The following SSX2IP variants were observed in gnomAD, a reference collection of about 807,000 sequenced individuals.
SSX2IP encodes afadin- and alpha-actinin-binding protein.
In SSX2IP, 55 loss-of-function variants were observed where a neutral mutation model predicts 84.9. The ratio of observed to expected loss-of-function variants is 0.65; its 90% confidence interval spans 0.52 to 0.81. The LOEUF is 0.81. Among genes scored for constraint, SSX2IP ranks in the 30% least tolerant of loss-of-function variants. The pLI is 0.00. For synonymous variants in SSX2IP, 239 were observed against 234.7 expected (o/e 1.02, Z -0.17); for missense variants, 664 against 705.2 (o/e 0.94, Z 0.66).
intron 1 of SSX2IP, among the ~76,000 whole-genome samples, chr1:84,687,589 G>C (rs1655975486): frequency 6.6e-6 from 1 of 152,138 alleles, no homozygotes; most frequent in African/African-American, 2.4e-5. Flanking sequence ...CTTTTCTGGA[G>C]TTTCTGAGGG....
At chr1:84,661,849 A>G (rs1409204610) in intron 8 of SSX2IP, among the ~76,000 whole-genome samples, 1 of 152,196 alleles carries the variant, frequency 6.6e-6, no homozygotes, top group African/African-American at 2.4e-5. Flanking sequence ...TAGTTTCCTT[A>G]TCTATAAAAT....
chr1:84,662,557 T>C, intron 6 of SSX2IP, 27 bp from the exon 7 acceptor site: 1 of 1,610,002 alleles, frequency 6.2e-7, no homozygotes, highest in Non-Finnish European at 8.5e-7. Context: ...ATAAAATTAA[T>C]TCTTACCATA....
chr1:84,666,134 A>C lies in SSX2IP; in HGVS notation c.525T>G (p.Asn175Lys). The C allele has an allele frequency of 4.3e-6, 7 of 1,609,818 alleles. No homozygotes were observed. The highest frequency in any genetic ancestry group is 5.9e-6 in the Non-Finnish European group (7 of 1,178,168). Reference protein sequence around the residue: ...KNRNLHQLLKNEKDEVQKLQN... With the variant: ...KNRNLHQLLKKEKDEVQKLQN... ...ACTGACAACTCACCTCATCTTTCTC[A>C]TTCTTTAGTAGCTGATGCAAATTCC... is the stretch of plus-strand genomic sequence containing the variant. Residue 175 changes from asparagine (N) to lysine (K), a missense_variant, in exon 5 of 14, where the codon AAT becomes AAG. Transcript: ENST00000342203.
chr1:84,664,669 T>G (rs1006389835), intron 5 of SSX2IP, 117 bp from the exon 6 acceptor site: 2 of 877,562 alleles, frequency 2.3e-6, no homozygotes, highest in East Asian at 3.0e-5. Context: ...TCTTCCTTAT[T>G]TGTAACCAGT....
intron 1 of SSX2IP, among the ~76,000 whole-genome samples, chr1:84,689,305 A>G (rs1193837907): frequency 6.6e-6 from 1 of 152,174 alleles, no homozygotes; most frequent in Non-Finnish European, 1.5e-5. Flanking sequence ...AAACTGTAGG[A>G]TCACCAGAAT....
At chr1:84,679,151 C>T (rs748487522) in intron 1 of SSX2IP, among the ~76,000 whole-genome samples, 1 of 74,788 alleles carries the variant, frequency 1.3e-5, no homozygotes. Context: ...TAAAACTTAA[C>T]AATTTAGTCA....
At chr1:84,689,694 G>A (rs966668855) in intron 1 of SSX2IP, among the ~76,000 whole-genome samples, 12 of 152,180 alleles carry the variant, frequency 7.9e-5, no homozygotes, top group African/African-American at 2.4e-4. Context: ...TGGGCAATCA[G>A]CATAGGCTCA....
rs529631986 is a variant in SSX2IP at position 84,666,028 on chromosome 1, T to C, written c.537+94A>G. The C allele has an allele frequency of 1.7e-5, 15 of 898,950 alleles. No individual in the cohort carries two copies. In the South Asian group the frequency reaches 2.1e-4, roughly 12 times the overall value. 55.7% of individuals were successfully genotyped at this position (898,950 alleles called of 1,614,324 possible). On this transcript the variant is annotated intron_variant, in intron 5 of 13. Transcript: ENST00000342203. ...GGGGAAAGATGAATAAATGGTTCTT[T>C]CTTTTTTCAAGTAAAGTGGCTCTTA...
chr1:84,674,922 C>T (rs552798391), intron 1 of SSX2IP, among the ~76,000 whole-genome samples: 1 of 152,172 alleles, frequency 6.6e-6, no homozygotes, highest in African/African-American at 2.4e-5. Context: ...GGACTTACGA[C>T]TCTTTATCAA....
At chr1:84,678,681 T>C (rs1654690996) in intron 1 of SSX2IP, among the ~76,000 whole-genome samples, 1 of 152,132 alleles carries the variant, frequency 6.6e-6, no homozygotes, top group African/African-American at 2.4e-5. Context: ...AAAAGAAGAG[T>C]CAATCCTTTA....
At position 84,668,887 on chromosome 1, in the gene SSX2IP, C is replaced by A. The variant is rs372431314; in HGVS notation, c.426+794G>T. On this transcript the variant is annotated intron_variant, in intron 4 of 13. Transcript: ENST00000342203. ...CTGATCATCTGACAGTATGCAAATG[C>A]AAAGGCTTTGATTTTCACAAATAAC... Among the ~76,000 whole-genome samples the A allele has an allele frequency of 2.0e-4, 30 of 152,098 alleles. No individual in the cohort carries two copies. In the East Asian group the frequency reaches 5.8e-3, roughly 29 times the overall value.
intron 12 of SSX2IP, 102 bp from the exon 13 acceptor site, chr1:84,650,629 G>T: frequency 8.6e-7 from 1 of 1,167,578 alleles, no homozygotes; most frequent in Non-Finnish European, 1.3e-6. Flanking sequence ...TCTGAGTGAG[G>T]AAAGAGATGG....
rs774143856 is a variant in SSX2IP, at chr1:84,669,662, A to G, written c.426+19T>C. The G allele has an allele frequency of 1.9e-6, 3 of 1,584,272 alleles. No homozygotes were observed. The South Asian group carries it at 3.3e-5, about 18-fold the overall frequency. ...AATTATATAATTATGGCATTAAAAT[A>G]TGGATCTGCAATTTCTACCTTAAGT... On this transcript the variant is annotated intron_variant, in intron 4 of 13. Coordinates refer to ENST00000342203, the MANE Select transcript of SSX2IP (RefSeq NM_001166293.2).
rs1652478800 is a variant in SSX2IP, at chr1:84,664,402, T to C, written c.673+15A>G. 2 of 1,567,472 alleles carry C rather than the reference T, an allele frequency of 1.3e-6. No homozygotes were observed. The highest frequency in any genetic ancestry group is 2.8e-5 in the African/African-American group (2 of 71,804). ...GCTTATTTATTCTCTTAGCTGATCT[T>C]TGCCAGCTGTTTACCTATTTTCTTA... On this transcript the variant is annotated intron_variant, in intron 6 of 13. Transcript: ENST00000342203.
At chr1:84,651,479 G>A (rs929275286) in intron 12 of SSX2IP, among the ~76,000 whole-genome samples, 2 of 152,178 alleles carry the variant, frequency 1.3e-5, no homozygotes, top group African/African-American at 4.8e-5. Context: ...CCTAATCCCA[G>A]CACTTTGGGA....
intron 6 of SSX2IP, among the ~76,000 whole-genome samples, chr1:84,663,506 ATCT>A (rs1244396570): frequency 1.3e-5 from 2 of 152,238 alleles, no homozygotes; most frequent in African/African-American, 2.4e-5. Flanking sequence ...GCATTACTGA[ATCT>A]TCATTTCTAT....
rs775019733 is a variant in SSX2IP, at chr1:84,658,426, C to G, written c.970G>C (p.Glu324Gln). The G allele has an allele frequency of 6.2e-7, 1 of 1,614,120 alleles. No individual in the cohort carries two copies. Among genetic ancestry groups the G allele is most frequent in the African/African-American group, 1.3e-5 (1 of 75,054 alleles). The change falls in exon 9 of 14, where the codon GAG becomes CAG. Residue 324 changes from glutamate to glutamine, a missense_variant. Physicochemically the swap from Glu to Gln is conservative, Grantham distance 29. Coordinates refer to ENST00000342203, the MANE Select transcript of SSX2IP (RefSeq NM_001166293.2). The part of the protein sequence containing the change: ...VEEDAGELSR[E>Q]SMWDLSCETV... ...TCACAGGAAAGGTCCCACATACTCT[C>G]TCTGCTTAGTTCCCCGGCATCTTCT...
chr1:84,685,434 A>G (rs573906525), intron 1 of SSX2IP, among the ~76,000 whole-genome samples: 86 of 152,370 alleles, frequency 5.6e-4, no homozygotes, highest in African/African-American at 1.8e-3. Flanking sequence ...TGAACTCAAG[A>G]GCACCTAATG....
chr1:84,673,604 G>A (rs1354834006), intron 1 of SSX2IP, among the ~76,000 whole-genome samples: 1 of 152,142 alleles, frequency 6.6e-6, no homozygotes, highest in Non-Finnish European at 1.5e-5. Context: ...GTAGAAGCTG[G>A]AAGAAATCAG....
Sources: allele counts gnomAD v4.1 joint callset (sites outside exome capture counted in the v4.1 genomes callset), GRCh38; gene constraint gnomAD v4.1.1; transcripts MANE v1.5; gene names NCBI Gene and HGNC (gene_info 2026-07-23, HGNC 2026-07-21).